ZSWIM6: variants seen among roughly 807,000 people sequenced by gnomAD.
ZSWIM6 encodes zinc finger SWIM-type containing 6, also known as zinc finger SWIM domain-containing protein 6.
A neutral mutation model predicts 113.2 loss-of-function variants in ZSWIM6; 9 were observed. The ratio of observed to expected loss-of-function variants is 0.08; its 90% CI spans 0.05 to 0.14. ZSWIM6 has a LOEUF of 0.14. ZSWIM6 is among the 10% of genes least tolerant of loss of function. ZSWIM6 has a pLI of 1.00. For synonymous variants in ZSWIM6, 611 were observed against 606.5 expected (o/e 1.01, Z -0.11); for missense variants, 1,162 against 1,552.2 (o/e 0.75, Z 4.22).
chr5:61,379,315 C>T lies in ZSWIM6; in HGVS notation c.676+46367C>T, dbSNP rs78889199. Among the ~76,000 whole-genome samples the T allele has an allele frequency of 4.9e-3, 742 of 151,998 alleles. 5 individuals carry two copies. The highest frequency in any genetic ancestry group is 0.016 in the African/African-American group (678 of 41,464). On this transcript the variant is annotated intron_variant, in intron 1 of 13. Coordinates refer to ENST00000252744, the MANE Select transcript of ZSWIM6 (RefSeq NM_020928.2). ...TTCTTACTGCAATTTCAAGGCTAGA[C>T]CTCGTGTAGGGAAATCTTTTTGTAT...
intron 1 of ZSWIM6, among the ~76,000 whole-genome samples, chr5:61,385,321 C>T (rs1331591462): frequency 6.6e-6 from 1 of 152,152 alleles, no homozygotes; most frequent in Non-Finnish European, 1.5e-5. Flanking sequence ...GCATGTATTC[C>T]TGGGTTGTCC....
At chr5:61,424,727 CTTT>C (rs35994591) in intron 1 of ZSWIM6, among the ~76,000 whole-genome samples, 6 of 134,686 alleles carry the variant, frequency 4.5e-5, no homozygotes, top group Admixed American at 7.5e-5. Flanking sequence ...AATCTTGGCT[CTTT>C]TTTTTTTTTT....
chr5:61,459,709 A>G (rs1236366924), intron 1 of ZSWIM6, among the ~76,000 whole-genome samples: 2 of 152,210 alleles, frequency 1.3e-5, no homozygotes, highest in Non-Finnish European at 2.9e-5. Context: ...ATAAGTATTC[A>G]TATGTCAGGC....
chr5:61,478,197 C>G (rs377020919), intron 2 of ZSWIM6, among the ~76,000 whole-genome samples: 25 of 152,090 alleles, frequency 1.6e-4, no homozygotes, highest in South Asian at 2.1e-4. Context: ...CAAATATATT[C>G]TGTAGGAGAT....
intron 1 of ZSWIM6, among the ~76,000 whole-genome samples, chr5:61,437,998 G>C (rs772171192): frequency 6.6e-6 from 1 of 151,776 alleles, no homozygotes; most frequent in African/African-American, 2.4e-5. Context: ...CTTAAATACT[G>C]AACACTCTCA....
chr5:61,503,147 T>G (rs987761022), intron 4 of ZSWIM6, among the ~76,000 whole-genome samples: 1 of 152,192 alleles, frequency 6.6e-6, no homozygotes, highest in African/African-American at 2.4e-5. Context: ...TATTTTAAAA[T>G]TCCAAAATTA....
intron 1 of ZSWIM6, among the ~76,000 whole-genome samples, chr5:61,401,452 A>T (rs1745937805): frequency 1.3e-5 from 2 of 152,200 alleles, no homozygotes; most frequent in African/African-American, 4.8e-5. Context: ...TGGATGCTGT[A>T]TGTTGAAAAA....
At chr5:61,497,713 G>A (rs1748360216) in intron 4 of ZSWIM6, among the ~76,000 whole-genome samples, 1 of 152,160 alleles carries the variant, frequency 6.6e-6, no homozygotes, top group Admixed American at 6.5e-5. Context: ...TTCTCAAGAT[G>A]AGTAATGTTG....
intron 4 of ZSWIM6, among the ~76,000 whole-genome samples, chr5:61,497,778 A>G (rs1476402287): frequency 6.6e-6 from 1 of 152,240 alleles, no homozygotes; most frequent in Admixed American, 6.5e-5. Flanking sequence ...CCCCATTGCA[A>G]TGGTAGAGGT....
At chr5:61,531,881 T>C (rs930354434) in intron 9 of ZSWIM6, among the ~76,000 whole-genome samples, 156 bp downstream of exon 9, 2 of 152,216 alleles carry the variant, frequency 1.3e-5, no homozygotes, top group African/African-American at 4.8e-5. Context: ...GTCTAAAAAA[T>C]AGTGTCACTG....
chr5:61,341,825 T>A (rs781700865), intron 1 of ZSWIM6, among the ~76,000 whole-genome samples: 2 of 152,002 alleles, frequency 1.3e-5, no homozygotes, highest in East Asian at 1.9e-4. Flanking sequence ...TATATGTACT[T>A]CTTTCACATA....
chr5:61,433,204 C>T (rs1353861044), intron 1 of ZSWIM6, among the ~76,000 whole-genome samples: 1 of 151,968 alleles, frequency 6.6e-6, no homozygotes, highest in Non-Finnish European at 1.5e-5. Context: ...CCTTTCATTC[C>T]CCCTCTAAGC....
chr5:61,389,326 C>G (rs1745652705), intron 1 of ZSWIM6, among the ~76,000 whole-genome samples: 1 of 151,904 alleles, frequency 6.6e-6, no homozygotes, highest in Non-Finnish European at 1.5e-5. Flanking sequence ...GAGGCTGAGG[C>G]AGGCGGATCA....
intron 1 of ZSWIM6, among the ~76,000 whole-genome samples, chr5:61,343,659 C>T (rs975559589): frequency 6.6e-6 from 1 of 152,112 alleles, no homozygotes; most frequent in Non-Finnish European, 1.5e-5. Flanking sequence ...TCATGCTGAA[C>T]CTTTACTCCT....
chr5:61,398,102 C>T (rs1175318110), intron 1 of ZSWIM6, among the ~76,000 whole-genome samples: 1 of 152,090 alleles, frequency 6.6e-6, no homozygotes, highest in Non-Finnish European at 1.5e-5. Context: ...TGCTGTGGTT[C>T]CAGTTGAAGT....
chr5:61,336,775 A>C (rs1360176992), intron 1 of ZSWIM6, among the ~76,000 whole-genome samples: 1 of 152,224 alleles, frequency 6.6e-6, no homozygotes, highest in Non-Finnish European at 1.5e-5. Context: ...AAAAAAATCA[A>C]AAAGTTTCTG....
chr5:61,334,964 G>A (rs1375752545), intron 1 of ZSWIM6, among the ~76,000 whole-genome samples: 1 of 151,934 alleles, frequency 6.6e-6, no homozygotes, highest in Non-Finnish European at 1.5e-5. Flanking sequence ...TGACAGGAGA[G>A]CGCATAGGGA....
intron 1 of ZSWIM6, among the ~76,000 whole-genome samples, chr5:61,470,564 ATAGATATTTAAAAATTTTAGAATATATAC>A (rs1333716540): frequency 6.6e-6 from 1 of 152,160 alleles, no homozygotes; most frequent in African/African-American, 2.4e-5. Flanking sequence ...TCATCGGAAC[ATAGATATTTAAAAATTTTAGAATATATAC>A]TATGTACTCT....
intron 1 of ZSWIM6, among the ~76,000 whole-genome samples, chr5:61,372,297 TC>T (rs1490903106): frequency 6.6e-6 from 1 of 152,040 alleles, no homozygotes; most frequent in Non-Finnish European, 1.5e-5. Context: ...TTTTTTTTTT[TC>T]ATATCCAAAT....
Sources: gnomAD v4.1 joint callset for allele counts (sites outside exome capture counted in the v4.1 genomes callset) on GRCh38, gnomAD v4.1.1 for gene constraint, MANE v1.5 for transcripts, NCBI Gene and HGNC (gene_info 2026-07-23, HGNC 2026-07-21) for gene names.